The following CDH23 variants were observed in gnomAD, a reference collection of about 807,000 sequenced individuals.
The protein encoded by CDH23 is cadherin-23.
Under a neutral mutation model 317.1 loss-of-function variants are expected in CDH23, and 189 were observed. That is an observed-to-expected ratio of 0.60 (90% CI 0.53 to 0.67). The LOEUF is 0.67. Ranked by LOEUF, CDH23 falls within the 30% of genes least tolerant of loss-of-function variation. The probability of loss-of-function intolerance (pLI) is 0.00; values close to 1 mark genes in which losing one functional copy is unlikely to be tolerated. For synonymous variants in CDH23, 1,839 were observed against 1,876.8 expected (o/e 0.98, Z 0.52); for missense variants, 4,401 against 4,592.4 (o/e 0.96, Z 1.20).
Position 71,702,558 on chromosome 10 carries a change from C to A in CDH23, c.2597C>A (p.Pro866His). 1.2e-6 allele frequency: 2 copies of A among 1,613,958 alleles called. No homozygotes were observed. Among genetic ancestry groups the A allele is most frequent in the Non-Finnish European group, 1.7e-6 (2 of 1,179,880 alleles). Reference sequence around the variant, plus strand: ...GCCCTGGTCTTCCCAGGTGGCAGGCCCCCTCTGAAAGCCACCAGCAGTGCC... The same window carrying A: ...GCCCTGGTCTTCCCAGGTGGCAGGCACCCTCTGAAAGCCACCAGCAGTGCC... ...IVVSVTDCGR[P>H]PLKATSSATV... Residue 866 changes from proline to histidine, a missense_variant, in exon 24 of 70, where the codon CCC (proline) becomes CAC (histidine). This residue lies in a region of CDH23 where 3,068 missense variants were observed against 3,203.3 expected (regional missense o/e 0.96). Transcript: ENST00000224721.
chr10:71,731,907 G>A, intron 31 of CDH23, 80 bp from the exon 32 acceptor site: 1 of 1,480,922 alleles, frequency 6.8e-7, no homozygotes, highest in East Asian at 2.4e-5. Context: ...CAGGGGGTAT[G>A]GGTGTGGCAG....
chr10:71,675,492 C>T (rs554302762), intron 15 of CDH23, among the ~76,000 whole-genome samples: 7 of 152,316 alleles, frequency 4.6e-5, no homozygotes, highest in East Asian at 1.9e-4. Context: ...CCGCCACCAC[C>T]GCCAGCCGCA....
intron 6 of CDH23, among the ~76,000 whole-genome samples, chr10:71,515,937 T>G (rs1441510004): frequency 6.6e-6 from 1 of 152,228 alleles, no homozygotes; most frequent in Non-Finnish European, 1.5e-5. Flanking sequence ...GGAAACAGTG[T>G]GGTCTGTACA....
intron 21 of CDH23, 144 bp from the exon 22 acceptor site, chr10:71,695,274 C>CT: frequency 1.5e-6 from 1 of 673,822 alleles, no homozygotes; most frequent in Non-Finnish European, 2.7e-6. Flanking sequence ...AGCCCAGGCT[C>CT]TGCCCAAGGC....
At chr10:71,576,033 G>A (rs1858168676) in intron 8 of CDH23, among the ~76,000 whole-genome samples, 1 of 152,202 alleles carries the variant, frequency 6.6e-6, no homozygotes. Context: ...TTGTCCTCCT[G>A]TCCTGGAGAA....
At chr10:71,736,081 A>C (rs1227060) in intron 34 of CDH23, among the ~76,000 whole-genome samples, 125,478 of 152,302 alleles carry the variant, frequency 0.82, 51,705 homozygotes, top group African/African-American at 0.86. Flanking sequence ...GCAGGGATGG[A>C]AAGGAGGTCC....
At position 71,424,909 on chromosome 10, in the gene CDH23, C is replaced by T. The variant is rs989012932; in HGVS notation, c.-5-14918C>T. On this transcript the variant is annotated intron_variant, in intron 1 of 69. Transcript: ENST00000224721. ...GAGCTCAGGGAAGGCTCCTCAGTCC[C>T]CGCATGCCCAGTGGGAGGAAGGGCA... 8.5e-5 allele frequency among the ~76,000 whole-genome samples: 13 copies of T among 152,288 alleles called. No homozygotes were observed. The South Asian group carries it at 1.4e-3, about 17-fold the overall frequency.
chr10:71,657,855 GA>G, intron 14 of CDH23, among the ~76,000 whole-genome samples: 1 of 152,268 alleles, frequency 6.6e-6, no homozygotes, highest in South Asian at 2.1e-4. Flanking sequence ...CCGTTTAAAA[GA>G]AAATTGAATT....
rs527996980 is a variant in CDH23, at chr10:71,785,618, C to T, written c.5713-13C>T. On this transcript the variant is annotated splice_polypyrimidine_tract_variant and intron_variant, in intron 43 of 69. Transcript: ENST00000224721. The stretch of plus-strand genomic sequence containing the variant: ...AAAGGTCTCCATGCAGCTCACCACC[C>T]TCCACATCCCAGACAGGGATCGTCA... 6 of 1,550,740 alleles carry T rather than the reference C, an allele frequency of 3.9e-6. No individual in the cohort carries two copies. The highest frequency in any genetic ancestry group is 2.3e-5 in the South Asian group (2 of 85,428).
In CDH23 at chr10:71,694,297, G is replaced by C. The variant is rs201887019; in HGVS notation, c.2289+38G>C. The C allele has an allele frequency of 2.0e-6, 3 of 1,503,264 alleles. No homozygotes were observed. In the African/African-American group the frequency reaches 4.1e-5, roughly 21 times the overall value. 93.1% of individuals were successfully genotyped at this position (1,503,264 alleles called of 1,614,324 possible). ...CCCTCCCGTGCCCCAGCTCCCCCTCGCCGGCCAGGCTGCTGCTCCCTGCTT... is the reference window on the plus strand; with the variant it reads ...CCCTCCCGTGCCCCAGCTCCCCCTCCCCGGCCAGGCTGCTGCTCCCTGCTT... On this transcript the variant is annotated intron_variant, in intron 21 of 69. Transcript: ENST00000224721.
chr10:71,803,285 G>T lies in CDH23; in HGVS notation c.7737G>T (p.Leu2579=). The T allele has an allele frequency of 6.3e-7, 1 of 1,590,010 alleles. No homozygotes were observed. Among genetic ancestry groups the T allele is most frequent in the South Asian group, 1.1e-5 (1 of 87,690 alleles). ...TGCAGTCCTACGAGAAGTTCAGTCT[G>T]ACCGTGGTGGCCACAGATGGTGGAG... ...RPLQSYEKFS[L]TVVATDGGEP... Residue 2579 remains leucine (L), a synonymous_variant, in exon 55 of 70, where the codon CTG becomes CTT. Coordinates refer to ENST00000224721, the MANE Select transcript of CDH23 (RefSeq NM_022124.6).
chr10:71,569,743 C>T (rs558754220), intron 7 of CDH23, among the ~76,000 whole-genome samples: 4 of 152,270 alleles, frequency 2.6e-5, no homozygotes, highest in South Asian at 2.1e-4. Flanking sequence ...ACTACAGATG[C>T]GAGTGAAGTG....
Position 71,677,570 on chromosome 10 carries a change from C to T in CDH23, c.1629C>T (p.Thr543=), listed in dbSNP as rs2132669765. 1 of 1,610,984 alleles carries T rather than the reference C, an allele frequency of 6.2e-7. No homozygotes were observed. Among genetic ancestry groups the T allele is most frequent in the South Asian group, 1.1e-5 (1 of 90,010 alleles). Residue 543 remains threonine (T), a synonymous_variant, in exon 16 of 70, where the codon ACC becomes ACT. Transcript: ENST00000224721. The stretch of plus-strand genomic sequence containing the variant: ...CCCGGGACGGGGGCGGCGAGGAGAC[C>T]ACAGGCCGGGTCAGGATCAATGTGT... ...IIARDGGGEE[T]TGRVRINVLD...
At chr10:71,662,680 C>T (rs1410496372) in intron 14 of CDH23, among the ~76,000 whole-genome samples, 2 of 152,204 alleles carry the variant, frequency 1.3e-5, no homozygotes, top group Non-Finnish European at 2.9e-5. Context: ...TTTTCCTTTT[C>T]TACCACATCA....
At chr10:71,576,788 G>A (rs1013186296) in intron 8 of CDH23, among the ~76,000 whole-genome samples, 2 of 152,212 alleles carry the variant, frequency 1.3e-5, no homozygotes, top group Non-Finnish European at 2.9e-5. Context: ...GACTCAGCGA[G>A]TGGTGGCGGT....
intron 30 of CDH23, 58 bp downstream of exon 30, chr10:71,725,578 G>A (rs1866775418): frequency 3.8e-6 from 6 of 1,560,468 alleles, no homozygotes; most frequent in Non-Finnish European, 4.3e-6. Context: ...CCCACAGCTA[G>A]AACAGAGAAG....
intron 2 of CDH23, 28 bp downstream of exon 2, chr10:71,439,926 C>G: frequency 6.5e-7 from 1 of 1,541,994 alleles, no homozygotes; most frequent in Non-Finnish European, 8.8e-7. Context: ...CGTGTCTATC[C>G]CATGGGCAGC....
intron 6 of CDH23, among the ~76,000 whole-genome samples, chr10:71,549,610 A>C (rs1856471334): frequency 6.6e-6 from 1 of 152,232 alleles, no homozygotes; most frequent in Admixed American, 6.5e-5. Flanking sequence ...GAGAATCCCG[A>C]GGCTCAGTCT....
intron 3 of CDH23, among the ~76,000 whole-genome samples, chr10:71,495,835 A>AGGAAG (rs1564615579): frequency 6.7e-6 from 1 of 149,580 alleles, no homozygotes; most frequent in African/African-American, 2.5e-5. Flanking sequence ...AAAGAAAGAA[A>AGGAAG]GAAAGAAGGA....
Sources: allele counts gnomAD v4.1 joint callset (sites outside exome capture counted in the v4.1 genomes callset), GRCh38; gene constraint gnomAD v4.1.1; regional missense constraint gnomAD v4.1.1; transcripts MANE v1.5; gene names NCBI Gene and HGNC (gene_info 2026-07-23, HGNC 2026-07-21).